Variants in SRRM1 observed in about 807,000 individuals in gnomAD.
The protein encoded by SRRM1 is serine/arginine repetitive matrix protein 1.
SRRM1 carries 19 observed loss-of-function variants against 110.2 expected under a neutral mutation model. The ratio of observed to expected loss-of-function variants is 0.17; its 90% CI spans 0.12 to 0.25. The LOEUF is 0.25. SRRM1 is among the 10% of genes least tolerant of loss of function. The pLI, the probability that SRRM1 is intolerant of heterozygous loss-of-function variation, is 1.00. For synonymous variants in SRRM1, 443 were observed against 414.9 expected (o/e 1.07, Z -0.82); for missense variants, 918 against 1,145.8 (o/e 0.80, Z 2.87).
intron 12 of SRRM1, among the ~76,000 whole-genome samples, chr1:24,663,987 CTTTTTTTTTTT>C (rs973518559): frequency 1.7e-5 from 2 of 119,756 alleles, no homozygotes; most frequent in South Asian, 2.7e-4. Context: ...GCATAGCTCT[CTTTTTTTTTTT>C]TTTTTTTTTT....
Position 24,670,265 on chromosome 1 carries a change from G to A in SRRM1, c.2350G>A (p.Val784Ile). 3.1e-6 allele frequency: 5 copies of A among 1,613,964 alleles called. No homozygotes were observed. Among genetic ancestry groups the A allele is most frequent in the Non-Finnish European group, 3.4e-6 (4 of 1,179,976 alleles). ...ACCGTCTACAAACTGGTCACCAGCT[G>A]TACCGGTCAAAAAGGCCAAAAGCCC... ...QSPSTNWSPA[V>I]PVKKAKSPTP... Residue 784 changes from valine (V) to isoleucine (I), a missense_variant, in exon 15 of 17, where the codon GTA becomes ATA. Val to Ile is a conservative substitution (Grantham distance 29). Coordinates refer to ENST00000323848, the MANE Select transcript of SRRM1 (RefSeq NM_005839.4).
At chr1:24,654,323 C>A (rs754235936) in intron 8 of SRRM1, 1 of 1,289,708 alleles carries the variant, frequency 7.8e-7, no homozygotes, top group South Asian at 1.2e-5. Flanking sequence ...GGAATTCTTC[C>A]GCCAAAGGTG....
At chr1:24,651,665 A>G in intron 6 of SRRM1, 53 bp downstream of exon 6, 2 of 1,314,322 alleles carry the variant, frequency 1.5e-6, no homozygotes, top group Non-Finnish European at 2.1e-6. Context: ...ATTAATAGTG[A>G]CTGCAAATAT....
rs1667920168 is a variant in SRRM1, at chr1:24,662,749, C to G, written c.1573C>G (p.Pro525Ala). 1 of 1,614,074 alleles carries G rather than the reference C, an allele frequency of 6.2e-7. No individual in the cohort carries two copies. Among genetic ancestry groups the G allele is most frequent in the Admixed American group, 1.7e-5 (1 of 59,996 alleles). ...GGTTGGCAGGCGGCGGAGACATTCC[C>G]CTTCCCGGAGTGCTTCTCCATCACC... ...GEVGRRRRHSPSRSASPSPRK... is the reference protein window; with the variant it reads ...GEVGRRRRHSASRSASPSPRK... The change falls in exon 12 of 17, where the codon CCT (proline) becomes GCT (alanine). Residue 525 changes from proline to alanine, a missense_variant. Transcript: ENST00000323848.
intron 9 of SRRM1, among the ~76,000 whole-genome samples, chr1:24,656,695 C>T (rs1434568010): frequency 6.6e-6 from 1 of 152,108 alleles, no homozygotes; most frequent in Non-Finnish European, 1.5e-5. Context: ...GTGTTTTTAC[C>T]TGTTACTTTG....
chr1:24,668,238 G>C (rs1671042336), intron 13 of SRRM1, among the ~76,000 whole-genome samples: 1 of 151,988 alleles, frequency 6.6e-6, no homozygotes, highest in Admixed American at 6.6e-5. Context: ...AGAGTGCTGG[G>C]ATGACAGGTG....
intron 15 of SRRM1, 91 bp from the exon 16 acceptor site, chr1:24,671,295 A>T: frequency 3.8e-6 from 5 of 1,307,852 alleles, no homozygotes; most frequent in South Asian, 2.9e-5. Flanking sequence ...AGATTTGTCC[A>T]TTGGGGATTT....
At chr1:24,654,729 A>G in intron 8 of SRRM1, 126 bp from the exon 9 acceptor site, 1 of 1,133,684 alleles carries the variant, frequency 8.8e-7, no homozygotes. Flanking sequence ...GGACTCATTT[A>G]TGTGCTTAGC....
intron 9 of SRRM1, among the ~76,000 whole-genome samples, chr1:24,656,794 T>G (rs1664381032): frequency 6.6e-6 from 1 of 152,184 alleles, no homozygotes; most frequent in Non-Finnish European, 1.5e-5. Flanking sequence ...CCAATCCTTG[T>G]TAAAATAGGT....
chr1:24,670,325 T>A lies in SRRM1; in HGVS notation c.2400+10T>A. ...CCCATCACCGCCAAGAGTATGTGTCTGCCTTATTTTGGACACCCTTTTATA... is the reference window on the plus strand; with the variant it reads ...CCCATCACCGCCAAGAGTATGTGTCAGCCTTATTTTGGACACCCTTTTATA... On this transcript the variant is annotated intron_variant, in intron 15 of 16. Transcript: ENST00000323848. 6.3e-7 allele frequency: 1 copy of A among 1,591,292 alleles called. No homozygotes were observed. Among genetic ancestry groups the A allele is most frequent in the South Asian group, 1.1e-5 (1 of 88,274 alleles).
At chr1:24,643,642 C>CT (rs1655260791) in intron 1 of SRRM1, 1 of 382,140 alleles carries the variant, frequency 2.6e-6, no homozygotes, top group Non-Finnish European at 4.6e-6. Flanking sequence ...GCGGGGCCTG[C>CT]AGGCCGAGCG....
chr1:24,670,651 C>A (rs544610975), intron 15 of SRRM1, among the ~76,000 whole-genome samples: 113 of 152,254 alleles, frequency 7.4e-4, no homozygotes, highest in African/African-American at 2.6e-3. Flanking sequence ...GCTGCTACAC[C>A]TGGCTGGTTT....
At chr1:24,667,725 A>G (rs1670696861) in intron 13 of SRRM1, among the ~76,000 whole-genome samples, 1 of 152,172 alleles carries the variant, frequency 6.6e-6, no homozygotes, top group South Asian at 2.1e-4. Context: ...CAGAAAAGGG[A>G]CATTCAGTAG....
chr1:24,661,415 G>GT lies in SRRM1; in HGVS notation c.1483+27dup. On this transcript the variant is annotated intron_variant, in intron 11 of 16. Transcript: ENST00000323848. ...TCATCTGGTATGGATGGTGATGAAAGTTTTTTTTCTACCTGTATTTCCTAT... is the reference window on the plus strand; with the variant it reads ...TCATCTGGTATGGATGGTGATGAAAGTTTTTTTTTCTACCTGTATTTCCTAT... 35 of 1,586,676 alleles carry GT rather than the reference G, an allele frequency of 2.2e-5. No individual in the cohort carries two copies. Among genetic ancestry groups the GT allele is most frequent in the Admixed American group, 5.2e-5 (3 of 58,212 alleles).
At position 24,651,451 on chromosome 1, in the gene SRRM1, T is replaced by C. The variant is rs976820918; in HGVS notation, c.564T>C (p.Pro188=). 4 of 1,614,152 alleles carry C rather than the reference T, an allele frequency of 2.5e-6. No individual in the cohort carries two copies. The highest frequency in any genetic ancestry group is 1.3e-5 in the African/African-American group (1 of 75,034). ...RSPSPRRRSS[P]VRRERKRSHS... ...CTTCCCCTAGAAGACGATCTTCCCC[T>C]GTCAGGAGAGAGAGAAAGCGCAGTC... is the stretch of plus-strand genomic sequence containing the variant. The change falls in exon 6 of 17, where the codon CCT becomes CCC. Residue 188 remains proline (P), a synonymous_variant. Transcript: ENST00000323848.
intron 12 of SRRM1, among the ~76,000 whole-genome samples, chr1:24,665,659 G>T (rs1274957359): frequency 6.6e-6 from 1 of 152,130 alleles, no homozygotes; most frequent in Non-Finnish European, 1.5e-5. Flanking sequence ...CTTGCAGTAA[G>T]CCCAGATCGT....
chr1:24,656,975 G>C (rs763333656), intron 9 of SRRM1, among the ~76,000 whole-genome samples: 1 of 152,152 alleles, frequency 6.6e-6, no homozygotes, highest in African/African-American at 2.4e-5. Flanking sequence ...GGGCTTCCGT[G>C]TTCAAACAAC....
chr1:24,670,796 A>G (rs185372880), intron 15 of SRRM1, among the ~76,000 whole-genome samples: 2 of 152,332 alleles, frequency 1.3e-5, no homozygotes, highest in African/African-American at 4.8e-5. Context: ...TAGTTGTGCA[A>G]GCTAACTTGT....
chr1:24,658,935 T>C lies in SRRM1; in HGVS notation c.1316-1784T>C, dbSNP rs192151951. On this transcript the variant is annotated intron_variant, in intron 9 of 16. Transcript: ENST00000323848. ...GTCGCTGGGCGCGGTGGCTCACGCC[T>C]GTAATCCCAGCACTTTGGGAGGCAG... 1.2e-3 allele frequency among the ~76,000 whole-genome samples: 176 copies of C among 152,314 alleles called. 1 individual carries two copies. The highest frequency in any genetic ancestry group is 4.0e-3 in the African/African-American group (168 of 41,576).
Sources: allele counts gnomAD v4.1 joint callset (sites outside exome capture counted in the v4.1 genomes callset), GRCh38; gene constraint gnomAD v4.1.1; transcripts MANE v1.5; gene names NCBI Gene and HGNC (gene_info 2026-07-23, HGNC 2026-07-21).